Variants in MED13L observed in about 807,000 individuals in gnomAD.
The protein encoded by MED13L is mediator complex subunit 13L, also known as mediator of RNA polymerase II transcription subunit 13-like.
In MED13L, 7 loss-of-function variants were observed where a neutral mutation model predicts 220.9. That is an observed-to-expected ratio of 0.03 (90% CI 0.02 to 0.06). The LOEUF (loss-of-function observed/expected upper bound fraction) is 0.06. MED13L is among the 10% of genes least tolerant of loss of function. The pLI, the probability that MED13L is intolerant of heterozygous loss-of-function variation, is 1.00. For missense variants in MED13L, 1,965 were observed against 2,760.5 expected (o/e 0.71, Z 6.46); for synonymous variants, 1,011 against 1,015.2 (o/e 1.00, Z 0.08).
At chr12:116,096,253 G>A (rs1401711774) in intron 4 of MED13L, among the ~76,000 whole-genome samples, 2 of 149,680 alleles carry the variant, frequency 1.3e-5, no homozygotes, top group South Asian at 2.1e-4. Flanking sequence ...TACTTGGGAG[G>A]CTGAGTTGGG....
intron 1 of MED13L, among the ~76,000 whole-genome samples, chr12:116,254,684 G>A (rs1347608799): frequency 6.6e-6 from 1 of 151,478 alleles, no homozygotes; most frequent in Non-Finnish European, 1.5e-5. Flanking sequence ...TTGAACTAGA[G>A]AGGCGGAGGT....
chr12:116,005,432 A>G (rs999387115), intron 13 of MED13L, among the ~76,000 whole-genome samples: 2 of 152,386 alleles, frequency 1.3e-5, no homozygotes, highest in Non-Finnish European at 2.9e-5. Flanking sequence ...CTTAAAAAGT[A>G]TAAATCATAT....
At chr12:116,259,128 G>C (rs1872299173) in intron 1 of MED13L, among the ~76,000 whole-genome samples, 1 of 151,778 alleles carries the variant, frequency 6.6e-6, no homozygotes. Context: ...CATAGTTGAT[G>C]GTTAAACAAA....
chr12:116,196,027 A>G (rs1255744225), intron 2 of MED13L, among the ~76,000 whole-genome samples: 1 of 152,086 alleles, frequency 6.6e-6, no homozygotes, highest in East Asian at 1.9e-4. Flanking sequence ...TTTTAAAGAT[A>G]TATTATGGAG....
At chr12:116,257,811 C>G (rs1317551361) in intron 1 of MED13L, among the ~76,000 whole-genome samples, 1 of 151,784 alleles carries the variant, frequency 6.6e-6, no homozygotes, top group African/African-American at 2.4e-5. Flanking sequence ...TAACCTTGCC[C>G]CAGTCATCAA....
intron 2 of MED13L, among the ~76,000 whole-genome samples, chr12:116,139,870 T>G (rs1876902043): frequency 6.7e-6 from 1 of 149,650 alleles, no homozygotes; most frequent in Non-Finnish European, 1.5e-5. Context: ...CTCAGGAGGC[T>G]GAGGCAAGAG....
chr12:116,024,784 GGGA>G (rs1202546785), intron 4 of MED13L, among the ~76,000 whole-genome samples: 15 of 84,914 alleles, frequency 1.8e-4, no homozygotes, highest in African/African-American at 5.8e-4. Context: ...GGGGGGGGGG[GGGA>G]GGTGATCTTG....
chr12:116,012,322 G>A (rs1314355543), intron 9 of MED13L, among the ~76,000 whole-genome samples: 1 of 152,096 alleles, frequency 6.6e-6, no homozygotes, highest in Non-Finnish European at 1.5e-5. Context: ...GAATAAGCAA[G>A]GTATCATTAC....
chr12:116,204,190 T>G (rs1400986399), intron 2 of MED13L, among the ~76,000 whole-genome samples: 2 of 152,170 alleles, frequency 1.3e-5, no homozygotes, highest in Non-Finnish European at 2.9e-5. Context: ...CTTTCTACTT[T>G]TGAGAGAGAA....
chr12:116,052,113 A>G (rs1398324551), intron 4 of MED13L, among the ~76,000 whole-genome samples: 4 of 152,070 alleles, frequency 2.6e-5, no homozygotes, highest in African/African-American at 9.7e-5. Flanking sequence ...ATAAAACTAT[A>G]TAAGAACATT....
intron 2 of MED13L, among the ~76,000 whole-genome samples, chr12:116,147,478 T>C (rs2138074109): frequency 6.6e-6 from 1 of 152,326 alleles, no homozygotes; most frequent in East Asian, 1.9e-4. Flanking sequence ...TGTTTTACTG[T>C]TACTGTTATC....
At position 116,263,952 on chromosome 12, in the gene MED13L, T is replaced by A. The variant is rs374209347; in HGVS notation, c.72+13108A>T. 4.3e-4 allele frequency among the ~76,000 whole-genome samples: 65 copies of A among 152,286 alleles called. 1 individual carries two copies. The East Asian group carries it at 6.2e-3, about 14-fold the overall frequency. On this transcript the variant is annotated intron_variant, in intron 1 of 30. Coordinates refer to ENST00000281928, the MANE Select transcript of MED13L (RefSeq NM_015335.5). The stretch of plus-strand genomic sequence containing the variant: ...ACACTGAATCGCTAGACTCAGAACC[T>A]GAGAAGGCAGAGGTTCAAGCAAGGC...
chr12:116,229,027 T>C (rs531908808), intron 2 of MED13L, among the ~76,000 whole-genome samples: 1 of 146,324 alleles, frequency 6.8e-6, no homozygotes, highest in Non-Finnish European at 1.5e-5. Context: ...TCCTCCCTCC[T>C]CAGCCTCCCA....
In MED13L at chr12:116,258,089, C is replaced by T. The variant is rs1872205418; in HGVS notation, c.72+18971G>A. 2.6e-5 allele frequency among the ~76,000 whole-genome samples: 4 copies of T among 152,022 alleles called. No homozygotes were observed. In the South Asian group the frequency reaches 8.3e-4, roughly 31 times the overall value. Reference sequence around the variant, plus strand: ...CTACACTGCTAATTTTCAAAAGGCTCGAAAAAGAAAGAGACCAATAATGTT... The same window carrying T: ...CTACACTGCTAATTTTCAAAAGGCTTGAAAAAGAAAGAGACCAATAATGTT... On this transcript the variant is annotated intron_variant, in intron 1 of 30. Transcript: ENST00000281928.
chr12:116,182,255 C>G (rs1480413159), intron 2 of MED13L, among the ~76,000 whole-genome samples: 1 of 152,184 alleles, frequency 6.6e-6, no homozygotes, highest in Admixed American at 6.5e-5. Flanking sequence ...ACTTTAATAA[C>G]CAAAACTCAA....
chr12:116,053,061 C>G (rs1217225821), intron 4 of MED13L, among the ~76,000 whole-genome samples: 2 of 152,130 alleles, frequency 1.3e-5, no homozygotes, highest in Non-Finnish European at 2.9e-5. Context: ...AAATATCTGT[C>G]TTTCTGAAAG....
chr12:115,967,784 C>A (rs1365111059), intron 28 of MED13L, among the ~76,000 whole-genome samples: 1 of 152,122 alleles, frequency 6.6e-6, no homozygotes. Flanking sequence ...AAATTAAACC[C>A]AACTTTAAAA....
At chr12:115,977,693 C>T (rs1877029546) in intron 23 of MED13L, among the ~76,000 whole-genome samples, 2 of 152,166 alleles carry the variant, frequency 1.3e-5, no homozygotes, top group African/African-American at 4.8e-5. Context: ...CTGGAAGAAG[C>T]CAGACATAAA....
chr12:116,110,768 C>A (rs950410432), intron 3 of MED13L, among the ~76,000 whole-genome samples: 2 of 152,108 alleles, frequency 1.3e-5, no homozygotes, highest in Non-Finnish European at 2.9e-5. Flanking sequence ...GAAAACACAA[C>A]ATCACTTCTA....
Sources: allele counts gnomAD v4.1 joint callset (sites outside exome capture counted in the v4.1 genomes callset), GRCh38; gene constraint gnomAD v4.1.1; transcripts MANE v1.5; gene names NCBI Gene and HGNC (gene_info 2026-07-23, HGNC 2026-07-21).